FAM107B: variants seen among roughly 807,000 people sequenced by gnomAD.
FAM107B encodes the protein protein FAM107B.
FAM107B carries 21 observed loss-of-function variants against 31.5 expected under a neutral mutation model. The observed-to-expected ratio is 0.67, with a 90% CI of 0.47 to 0.96. The LOEUF (loss-of-function observed/expected upper bound fraction) is 0.96, where lower values mean the gene tolerates loss of function less well. Ranked by LOEUF, FAM107B falls within the 40% of genes least tolerant of loss-of-function variation. The pLI is 0.00. For missense variants in FAM107B, 452 were observed against 377.1 expected (o/e 1.20, Z -1.64); for synonymous variants, 157 against 141.5 (o/e 1.11, Z -0.78).
intron 2 of FAM107B, among the ~76,000 whole-genome samples, chr10:14,555,496 G>T (rs1486888397): frequency 6.6e-6 from 1 of 152,100 alleles, no homozygotes; most frequent in African/African-American, 2.4e-5. Flanking sequence ...TTTTACTTCT[G>T]TCTTTAATCT....
intron 1 of FAM107B, among the ~76,000 whole-genome samples, chr10:14,689,705 A>C (rs1855081069): frequency 6.6e-6 from 1 of 152,194 alleles, no homozygotes; most frequent in Admixed American, 6.5e-5. Flanking sequence ...TCACACCTGT[A>C]ATCCCAGCAT....
chr10:14,729,002 G>T (rs1379847018), intron 1 of FAM107B, among the ~76,000 whole-genome samples: 1 of 151,002 alleles, frequency 6.6e-6, no homozygotes, highest in African/African-American at 2.4e-5. Flanking sequence ...TATGTGTTTT[G>T]TTTTTTTTTA....
chr10:14,609,927 G>T (rs913227065), intron 2 of FAM107B, among the ~76,000 whole-genome samples: 1 of 152,222 alleles, frequency 6.6e-6, no homozygotes, highest in Non-Finnish European at 1.5e-5. Flanking sequence ...CCAGGCCTAA[G>T]AAGGAATTCT....
intron 2 of FAM107B, among the ~76,000 whole-genome samples, chr10:14,640,517 C>T (rs1376981246): frequency 6.6e-6 from 1 of 152,124 alleles, no homozygotes; most frequent in African/African-American, 2.4e-5. Context: ...AACCCTGGAC[C>T]AACAGAGCTC....
rs532497758 is a variant in FAM107B, at chr10:14,676,117, C to T, written c.412-8426G>A. Among the ~76,000 whole-genome samples, 6 of 152,230 alleles carry T rather than the reference C, an allele frequency of 3.9e-5. No homozygotes were observed. In the South Asian group the frequency reaches 8.3e-4, roughly 21 times the overall value. Reference sequence around the variant, plus strand: ...AAGGCTTCAGTGAGCCAAGATCATGCGACTGCACTCCAGTCTGGGTGACAG... The same window carrying T: ...AAGGCTTCAGTGAGCCAAGATCATGTGACTGCACTCCAGTCTGGGTGACAG... On this transcript the variant is annotated intron_variant, in intron 1 of 4. Transcript: ENST00000181796.
chr10:14,635,373 A>G (rs1853471840), intron 2 of FAM107B, among the ~76,000 whole-genome samples: 1 of 152,194 alleles, frequency 6.6e-6, no homozygotes. Context: ...CAGCCCACCT[A>G]AGGCTAAAAG....
intron 1 of FAM107B, among the ~76,000 whole-genome samples, chr10:14,735,290 A>AT (rs778375206): frequency 1.7e-4 from 24 of 143,998 alleles, no homozygotes; most frequent in Non-Finnish European, 7.9e-5. Context: ...GATTTTTTGC[A>AT]ATTTTTTTTT....
intron 3 of FAM107B, among the ~76,000 whole-genome samples, chr10:14,525,513 A>G (rs1311605403): frequency 6.6e-6 from 1 of 152,256 alleles, no homozygotes; most frequent in Non-Finnish European, 1.5e-5. Flanking sequence ...CAAATGTTCT[A>G]TGTGAACAGT....
intron 3 of FAM107B, among the ~76,000 whole-genome samples, chr10:14,524,206 T>C (rs1161123486): frequency 6.6e-6 from 1 of 152,020 alleles, no homozygotes; most frequent in Non-Finnish European, 1.5e-5. Context: ...CACGACCGGA[T>C]AATTTTTTGT....
In FAM107B at chr10:14,716,372, G is replaced by A. The variant is rs540183528; in HGVS notation, c.412-48681C>T. On this transcript the variant is annotated intron_variant, in intron 1 of 4. Transcript: ENST00000181796. ...CTCCCTCACAGGGCAGCTGCTCACC[G>A]GCTGTTGGCAGGAGGCCCAGTGCCT... Among the ~76,000 whole-genome samples, 12 of 152,320 alleles carry A rather than the reference G, an allele frequency of 7.9e-5. No homozygotes were observed. The South Asian group carries it at 1.7e-3, about 21-fold the overall frequency.
At chr10:14,661,038 C>T (rs1854224968) in intron 2 of FAM107B, among the ~76,000 whole-genome samples, 2 of 152,132 alleles carry the variant, frequency 1.3e-5, no homozygotes, top group African/African-American at 4.8e-5. Context: ...GTAGCACCTT[C>T]CACTTCGCCC....
At chr10:14,715,432 T>C (rs1217356274) in intron 1 of FAM107B, among the ~76,000 whole-genome samples, 1 of 152,248 alleles carries the variant, frequency 6.6e-6, no homozygotes, top group African/African-American at 2.4e-5. Flanking sequence ...TAAGAGTTTG[T>C]ATTAGTTATC....
At chr10:14,628,775 G>A (rs963101840) in intron 2 of FAM107B, among the ~76,000 whole-genome samples, 16 of 152,112 alleles carry the variant, frequency 1.1e-4, no homozygotes, top group Non-Finnish European at 1.6e-4. Flanking sequence ...GCTTACACCT[G>A]TAATCCCAGC....
intron 3 of FAM107B, chr10:14,528,005 T>C: frequency 2.6e-6 from 1 of 378,622 alleles, no homozygotes; most frequent in South Asian, 2.0e-5. Context: ...TTTTCTTTTT[T>C]TTTTTTTTAA....
intron 2 of FAM107B, among the ~76,000 whole-genome samples, chr10:14,572,582 G>A (rs1042332110): frequency 6.6e-6 from 1 of 151,588 alleles, no homozygotes; most frequent in Non-Finnish European, 1.5e-5. Flanking sequence ...GCGGAAGACA[G>A]GTGCGGTGGT....
intron 2 of FAM107B, among the ~76,000 whole-genome samples, chr10:14,611,487 TATA>T (rs1852723548): frequency 1.7e-4 from 1 of 5,818 alleles, no homozygotes; most frequent in Admixed American, 2.0e-3. Flanking sequence ...GCCAGTTTTA[TATA>T]TATATATATA....
At chr10:14,656,759 A>G (rs1433424884) in intron 2 of FAM107B, among the ~76,000 whole-genome samples, 1 of 152,262 alleles carries the variant, frequency 6.6e-6, no homozygotes. Flanking sequence ...AAAGAAAGTG[A>G]AAGAGTGTAG....
At chr10:14,529,651 A>C (rs1846720021) in intron 3 of FAM107B, 1 of 152,132 alleles carries the variant, frequency 6.6e-6, no homozygotes, top group Non-Finnish European at 1.5e-5. Flanking sequence ...TAAATTGAAA[A>C]AAATAGCCTT....
At chr10:14,649,965 G>A (rs575580099) in intron 2 of FAM107B, among the ~76,000 whole-genome samples, 6 of 152,300 alleles carry the variant, frequency 3.9e-5, no homozygotes, top group South Asian at 2.1e-4. Flanking sequence ...TGTCCTGTGC[G>A]TTTCCTCCAG....
Sources: allele counts gnomAD v4.1 joint callset (sites outside exome capture counted in the v4.1 genomes callset), GRCh38; gene constraint gnomAD v4.1.1; transcripts MANE v1.5; gene names NCBI Gene and HGNC (gene_info 2026-07-23, HGNC 2026-07-21).